The following PTPRD variants were observed in gnomAD, a reference collection of about 807,000 sequenced individuals.
PTPRD encodes the protein receptor-type tyrosine-protein phosphatase delta.
In PTPRD, 34 loss-of-function variants were observed where a neutral mutation model predicts 214.5. That is an observed-to-expected ratio of 0.16 (90% CI 0.12 to 0.21). PTPRD has a LOEUF of 0.21. Ranked by LOEUF, PTPRD falls within the 10% of genes least tolerant of loss-of-function variation. PTPRD has a pLI of 1.00. For missense variants in PTPRD, 2,545 were observed against 2,398.7 expected (o/e 1.06, Z -1.27); for synonymous variants, 1,128 against 845.7 (o/e 1.33, Z -5.79).
chr9:10,575,155 A>T (rs2068799309), intron 2 of PTPRD, among the ~76,000 whole-genome samples: 1 of 152,008 alleles, frequency 6.6e-6, no homozygotes, highest in South Asian at 2.1e-4. Flanking sequence ...CTTCCCAATT[A>T]TTTGACACTG....
At chr9:10,555,348 T>C (rs75460767) in intron 2 of PTPRD, among the ~76,000 whole-genome samples, 1,816 of 152,330 alleles carry the variant, frequency 0.012, 37 homozygotes, top group African/African-American at 0.042. Flanking sequence ...CGTTTTATCA[T>C]ATACCTAAAA....
At chr9:8,957,540 T>C (rs1184754367) in intron 11 of PTPRD, among the ~76,000 whole-genome samples, 1 of 151,874 alleles carries the variant, frequency 6.6e-6, no homozygotes, top group Non-Finnish European at 1.5e-5. Flanking sequence ...TCTCATCAAA[T>C]CACTGTCTTT....
intron 3 of PTPRD, among the ~76,000 whole-genome samples, chr9:10,202,149 T>C (rs1398420627): frequency 2.0e-5 from 3 of 152,138 alleles, no homozygotes; most frequent in Admixed American, 6.6e-5. Flanking sequence ...AGTGCTTTTA[T>C]ATTCAAAGGA....
intron 2 of PTPRD, among the ~76,000 whole-genome samples, chr9:10,440,075 T>C (rs115364582): frequency 0.015 from 2,208 of 151,478 alleles, 47 homozygotes; most frequent in African/African-American, 0.049. Context: ...AAGTTAAATA[T>C]CCTAATTAAG....
rs146735807 is a variant in PTPRD, at chr9:10,101,086, G to A, written c.-544-67296C>T. Among the ~76,000 whole-genome samples the A allele has an allele frequency of 2.3e-4, 35 of 151,652 alleles. No homozygotes were observed. The East Asian group carries it at 6.4e-3, about 28-fold the overall frequency. On this transcript the variant is annotated intron_variant, in intron 3 of 45. Transcript: ENST00000381196. ...AAACCTCAAATAATTTCACTTAATT[G>A]CAAGTTTTACATTCAGATGGGACTG...
chr9:8,955,440 G>A (rs1202591531), intron 11 of PTPRD, among the ~76,000 whole-genome samples: 2 of 151,648 alleles, frequency 1.3e-5, no homozygotes, highest in South Asian at 2.1e-4. Context: ...ATCAATAATT[G>A]GTAAAGGACA....
At chr9:8,681,329 CTG>C (rs1480945273) in intron 12 of PTPRD, among the ~76,000 whole-genome samples, 9 of 151,706 alleles carry the variant, frequency 5.9e-5, no homozygotes, top group Admixed American at 2.6e-4. Flanking sequence ...AAATAAGAAA[CTG>C]AGAGAACTAT....
chr9:10,286,736 T>C (rs1335687205), intron 3 of PTPRD, among the ~76,000 whole-genome samples: 1 of 152,054 alleles, frequency 6.6e-6, no homozygotes, highest in Non-Finnish European at 1.5e-5. Flanking sequence ...GTAGCTGGTA[T>C]TACAGGCGCC....
intron 8 of PTPRD, among the ~76,000 whole-genome samples, chr9:9,450,223 A>G (rs2091762401): frequency 6.6e-6 from 1 of 151,830 alleles, no homozygotes; most frequent in African/African-American, 2.4e-5. Context: ...TGCTGCTATA[A>G]ACCTGCATGT....
At chr9:8,495,401 G>A (rs2078388402) in intron 26 of PTPRD, among the ~76,000 whole-genome samples, 1 of 152,024 alleles carries the variant, frequency 6.6e-6, no homozygotes, top group African/African-American at 2.4e-5. Flanking sequence ...CAACTCTGTT[G>A]CATTTTTATC....
At chr9:9,061,965 G>A (rs2099708318) in intron 10 of PTPRD, among the ~76,000 whole-genome samples, 1 of 151,892 alleles carries the variant, frequency 6.6e-6, no homozygotes, top group African/African-American at 2.4e-5. Context: ...AACCGACTGT[G>A]GGAGTAGAAA....
At chr9:9,472,323 C>G (rs994255592) in intron 8 of PTPRD, among the ~76,000 whole-genome samples, 12 of 151,548 alleles carry the variant, frequency 7.9e-5, no homozygotes, top group African/African-American at 2.9e-4. Context: ...CCTGCCTCAG[C>G]CTCCCGAGTA....
chr9:10,501,451 G>A (rs1336359011), intron 2 of PTPRD, among the ~76,000 whole-genome samples: 2 of 151,928 alleles, frequency 1.3e-5, no homozygotes, highest in Non-Finnish European at 2.9e-5. Context: ...CAGATGGACT[G>A]TTTGCAAATA....
At chr9:8,538,361 G>A (rs1422793233) in intron 14 of PTPRD, among the ~76,000 whole-genome samples, 1 of 151,686 alleles carries the variant, frequency 6.6e-6, no homozygotes, top group Non-Finnish European at 1.5e-5. Flanking sequence ...AGTAAACAAG[G>A]AAAGAGACTT....
chr9:9,647,342 C>G (rs1477930546), intron 7 of PTPRD, among the ~76,000 whole-genome samples: 1 of 151,672 alleles, frequency 6.6e-6, no homozygotes, highest in Non-Finnish European at 1.5e-5. Flanking sequence ...ATTCTGTTTC[C>G]TTGTTTCTAC....
intron 9 of PTPRD, among the ~76,000 whole-genome samples, chr9:9,355,669 A>T (rs187126334): frequency 3.8e-4 from 58 of 151,672 alleles, no homozygotes; most frequent in Non-Finnish European, 5.6e-4. Flanking sequence ...CATGAGAAAG[A>T]CAGGGCCTGG....
At chr9:9,274,927 T>G (rs575015366) in intron 9 of PTPRD, among the ~76,000 whole-genome samples, 1 of 146,442 alleles carries the variant, frequency 6.8e-6, no homozygotes, top group African/African-American at 2.5e-5. Flanking sequence ...TTCTTAGAGA[T>G]TCAAGATTTT....
At chr9:10,097,713 A>T (rs1419048612) in intron 3 of PTPRD, among the ~76,000 whole-genome samples, 2 of 151,500 alleles carry the variant, frequency 1.3e-5, no homozygotes, top group African/African-American at 4.9e-5. Flanking sequence ...CTCTTTTCCT[A>T]ATTGAATGCC....
chr9:8,944,990 T>C (rs574374463), intron 11 of PTPRD, among the ~76,000 whole-genome samples: 291 of 152,204 alleles, frequency 1.9e-3, no homozygotes, highest in African/African-American at 6.7e-3. Context: ...ACACATTGTA[T>C]ACCTCTCAAA....
Sources: allele counts gnomAD v4.1 joint callset (sites outside exome capture counted in the v4.1 genomes callset), GRCh38; gene constraint gnomAD v4.1.1; transcripts MANE v1.5; gene names NCBI Gene and HGNC (gene_info 2026-07-23, HGNC 2026-07-21).